The following SMC5 variants were observed in gnomAD, a reference collection of about 807,000 sequenced individuals.
SMC5 encodes structural maintenance of chromosomes 5.
SMC5 carries 88 observed loss-of-function variants against 148.3 expected under a neutral mutation model. The observed-to-expected ratio is 0.59, with a 90% CI of 0.50 to 0.71. The LOEUF (loss-of-function observed/expected upper bound fraction) is 0.71. Ranked by LOEUF, SMC5 falls within the 30% of genes least tolerant of loss-of-function variation. The pLI, the probability that SMC5 is intolerant of heterozygous loss-of-function variation, is 0.00. For missense variants in SMC5, 1,142 were observed against 1,298.9 expected (o/e 0.88, Z 1.86); for synonymous variants, 421 against 432.8 (o/e 0.97, Z 0.34).
At chr9:70,262,796 G>C (rs892163844) in intron 1 of SMC5, among the ~76,000 whole-genome samples, 3 of 152,142 alleles carry the variant, frequency 2.0e-5, no homozygotes, top group African/African-American at 7.2e-5. Flanking sequence ...ATAAGAGGGT[G>C]GGTCTTTACC....
chr9:70,264,272 C>A, intron 1 of SMC5, 32 bp from the exon 2 acceptor site: 1 of 1,589,470 alleles, frequency 6.3e-7, no homozygotes, highest in Non-Finnish European at 8.6e-7. Flanking sequence ...TTTTGTATCT[C>A]TCCTTAATAA....
intron 17 of SMC5, among the ~76,000 whole-genome samples, chr9:70,335,716 G>A (rs1260723627): frequency 6.6e-6 from 1 of 152,060 alleles, no homozygotes; most frequent in African/African-American, 2.4e-5. Flanking sequence ...TATCTTGATG[G>A]TAATAGCTTT....
At chr9:70,282,690 A>G (rs2034784518) in intron 7 of SMC5, 107 bp downstream of exon 7, 29 of 1,152,818 alleles carry the variant, frequency 2.5e-5, no homozygotes, top group Non-Finnish European at 3.2e-5. Flanking sequence ...TGTATCTTTC[A>G]TTTCTTAAGT....
At chr9:70,324,398 T>C (rs2036024621) in intron 17 of SMC5, among the ~76,000 whole-genome samples, 1 of 152,122 alleles carries the variant, frequency 6.6e-6, no homozygotes, top group Non-Finnish European at 1.5e-5. Context: ...GGGGAGAGCA[T>C]GTGATATACC....
At chr9:70,314,172 T>C (rs2035734260) in intron 11 of SMC5, among the ~76,000 whole-genome samples, 1 of 152,060 alleles carries the variant, frequency 6.6e-6, no homozygotes, top group Non-Finnish European at 1.5e-5. Flanking sequence ...CACCCCAAAC[T>C]CCATCCTTCC....
Position 70,344,166 on chromosome 9 carries a change from A to C in SMC5, c.2420A>C (p.Glu807Ala). 1.9e-6 allele frequency: 3 copies of C among 1,543,466 alleles called. No homozygotes were observed. The highest frequency in any genetic ancestry group is 2.6e-6 in the Non-Finnish European group (3 of 1,143,790). Residue 807 changes from glutamate to alanine, a missense_variant, in exon 18 of 25, where the codon GAA (glutamate) becomes GCA (alanine). Physicochemically the swap from Glu to Ala is moderately radical, Grantham distance 107 (BLOSUM62 -1). Transcript: ENST00000361138. Reference sequence around the variant, plus strand: ...TAGCAACATTTCATTGAATTGGATGAAAATAGACAGAGATTATTGCAGAAA... The same window carrying C: ...TAGCAACATTTCATTGAATTGGATGCAAATAGACAGAGATTATTGCAGAAA... Reference protein sequence around the residue: ...LTEQHFIELDENRQRLLQKCK... With the variant: ...LTEQHFIELDANRQRLLQKCK...
chr9:70,264,311 G>A lies in SMC5; in HGVS notation c.193G>A (p.Asp65Asn), dbSNP rs2034215352. The change falls in exon 2 of 25, where the codon GAT becomes AAT. Residue 65 changes from aspartate to asparagine, a missense_variant. Around this residue, in one of 5 missense-constraint regions of SMC5, gnomAD observed 297 missense variants for 302.6 expected, o/e 0.98. Coordinates refer to ENST00000361138, the MANE Select transcript of SMC5 (RefSeq NM_015110.4). ...RISMENFLTY[D>N]ICEVSPGPHL... is the part of the protein sequence containing the mutation. ...CATCTCTTTATAATTCAGAACATAT[G>A]ATATTTGTGAAGTATCTCCTGGACC... 1 of 1,612,776 alleles carries A rather than the reference G, an allele frequency of 6.2e-7. No homozygotes were observed. The highest frequency in any genetic ancestry group is 8.5e-7 in the Non-Finnish European group (1 of 1,179,360).
intron 9 of SMC5, 101 bp downstream of exon 9, chr9:70,298,322 A>C: frequency 7.5e-7 from 1 of 1,329,020 alleles, no homozygotes; most frequent in Non-Finnish European, 1.0e-6. Flanking sequence ...AAAATGTTCA[A>C]GTTGCCTTCT....
At chr9:70,317,885 G>C (rs996968912) in intron 13 of SMC5, among the ~76,000 whole-genome samples, 1 of 152,070 alleles carries the variant, frequency 6.6e-6, no homozygotes, top group African/African-American at 2.4e-5. Flanking sequence ...ATGTATCTTT[G>C]AACAGTATAA....
intron 8 of SMC5, among the ~76,000 whole-genome samples, chr9:70,294,404 A>G (rs896741716): frequency 6.6e-6 from 1 of 152,190 alleles, no homozygotes; most frequent in Non-Finnish European, 1.5e-5. Flanking sequence ...GTTAGAAGGT[A>G]TATCAATAGG....
At chr9:70,314,188 A>G (rs2035734675) in intron 11 of SMC5, among the ~76,000 whole-genome samples, 1 of 152,068 alleles carries the variant, frequency 6.6e-6, no homozygotes, top group Non-Finnish European at 1.5e-5. Context: ...CTTCCATCTT[A>G]TGATCCCTCC....
intron 17 of SMC5, among the ~76,000 whole-genome samples, chr9:70,343,175 A>G (rs1163695224): frequency 6.7e-6 from 1 of 149,846 alleles, no homozygotes; most frequent in Non-Finnish European, 1.5e-5. Context: ...GCGCTAAATG[A>G]GGATAATATT....
intron 1 of SMC5, 25 bp downstream of exon 1, chr9:70,259,288 C>T (rs1178791634): frequency 6.5e-7 from 1 of 1,546,486 alleles, no homozygotes; most frequent in South Asian, 1.2e-5. Flanking sequence ...GGCCGCGCCG[C>T]GGGTGTGGAG....
intron 3 of SMC5, among the ~76,000 whole-genome samples, chr9:70,274,206 C>T (rs1307261262): frequency 1.3e-5 from 2 of 152,162 alleles, no homozygotes; most frequent in East Asian, 1.9e-4. Flanking sequence ...CTCAGCCTCC[C>T]GAGTAGCTGG....
chr9:70,337,958 G>A (rs10868805), intron 17 of SMC5, among the ~76,000 whole-genome samples: 73,145 of 151,640 alleles, frequency 0.48, 20,707 homozygotes, highest in Non-Finnish European at 0.62. Context: ...ACCATAACTC[G>A]TTATGTATTA....
At chr9:70,289,662 C>T (rs2035007402) in intron 8 of SMC5, among the ~76,000 whole-genome samples, 1 of 151,816 alleles carries the variant, frequency 6.6e-6, no homozygotes, top group Admixed American at 6.6e-5. Flanking sequence ...CCAAGGTTTT[C>T]TCATTCTATT....
In SMC5 at chr9:70,298,734, CA is replaced by C. The variant is rs879429083; in HGVS notation, c.1309+525del. On this transcript the variant is annotated intron_variant, in intron 9 of 24. Transcript: ENST00000361138. ...CAAAGTATTAGATGTGTATGGCTAACAAAAAAAAAAAAGAAGAAGAACTAGA... is the reference window on the plus strand; with the variant it reads ...CAAAGTATTAGATGTGTATGGCTAACAAAAAAAAAAAGAAGAAGAACTAGA... Among the ~76,000 whole-genome samples, 633 of 133,546 alleles carry C rather than the reference CA, an allele frequency of 4.7e-3. 4 individuals are homozygous for C. Among genetic ancestry groups the C allele is most frequent in the African/African-American group, 0.012 (450 of 36,550 alleles). The allele number at this position is 133,546 out of a possible 152,430, so 87.6% of individuals were successfully genotyped here. A position where few individuals can be genotyped will look rare whatever the true frequency, so the allele number is the denominator to read the frequency against.
At chr9:70,277,085 T>G (rs980117975) in intron 3 of SMC5, among the ~76,000 whole-genome samples, 3 of 152,190 alleles carry the variant, frequency 2.0e-5, no homozygotes, top group Non-Finnish European at 2.9e-5. Context: ...TTTAACAGTT[T>G]AAATAATTTT....
intron 7 of SMC5, among the ~76,000 whole-genome samples, chr9:70,284,768 A>C (rs1293657347): frequency 6.6e-6 from 1 of 152,240 alleles, no homozygotes; most frequent in Non-Finnish European, 1.5e-5. Flanking sequence ...AGTCTATAGT[A>C]AAAGTAGTTA....
Sources: allele counts gnomAD v4.1 joint callset (sites outside exome capture counted in the v4.1 genomes callset), GRCh38; gene constraint gnomAD v4.1.1; regional missense constraint gnomAD v4.1.1; transcripts MANE v1.5; gene names NCBI Gene and HGNC (gene_info 2026-07-23, HGNC 2026-07-21).